ASTN2: variants seen among roughly 807,000 people sequenced by gnomAD.
ASTN2 encodes astrotactin-2.
ASTN2 carries 54 observed loss-of-function variants against 139.8 expected under a neutral mutation model. The ratio of observed to expected loss-of-function variants is 0.39; its 90% CI spans 0.31 to 0.48. The LOEUF (loss-of-function observed/expected upper bound fraction) is 0.48. Ranked by LOEUF, ASTN2 falls within the 20% of genes least tolerant of loss-of-function variation. The pLI is 0.95. For synonymous variants in ASTN2, 756 were observed against 719.5 expected (o/e 1.05, Z -0.81); for missense variants, 1,565 against 1,725.1 (o/e 0.91, Z 1.64).
intron 3 of ASTN2, among the ~76,000 whole-genome samples, chr9:117,211,592 G>A (rs1832131041): frequency 6.6e-6 from 1 of 152,166 alleles, no homozygotes; most frequent in Non-Finnish European, 1.5e-5. Context: ...CTGTATAGCT[G>A]TGAAATTGTG....
At chr9:116,806,953 C>T (rs1260288008) in intron 12 of ASTN2, among the ~76,000 whole-genome samples, 1 of 152,162 alleles carries the variant, frequency 6.6e-6, no homozygotes, top group Non-Finnish European at 1.5e-5. Flanking sequence ...CTGCTTTACA[C>T]ATAAGCAAAA....
chr9:117,345,281 G>C (rs1422742576), intron 1 of ASTN2, among the ~76,000 whole-genome samples: 3 of 152,080 alleles, frequency 2.0e-5, no homozygotes, highest in African/African-American at 7.2e-5. Context: ...CCACAGTCTA[G>C]GTCCTAGGCC....
At chr9:116,637,499 A>C (rs1857131257) in intron 17 of ASTN2, among the ~76,000 whole-genome samples, 4 of 152,214 alleles carry the variant, frequency 2.6e-5, no homozygotes, top group African/African-American at 9.6e-5. Flanking sequence ...TTTTGAGACA[A>C]AAGTAGTATT....
At chr9:116,790,912 A>G (rs1014625849) in intron 13 of ASTN2, among the ~76,000 whole-genome samples, 4 of 142,238 alleles carry the variant, frequency 2.8e-5, no homozygotes, top group Non-Finnish European at 6.2e-5. Context: ...AGAAAGAAAG[A>G]GAAAGAAAGG....
chr9:116,993,571 C>G (rs189564901), intron 7 of ASTN2, among the ~76,000 whole-genome samples: 207 of 149,710 alleles, frequency 1.4e-3, no homozygotes, highest in African/African-American at 4.9e-3. Flanking sequence ...AATTTCATTA[C>G]TATAGATACT....
At chr9:116,482,659 C>T (rs1258643019) in intron 20 of ASTN2, among the ~76,000 whole-genome samples, 1 of 152,166 alleles carries the variant, frequency 6.6e-6, no homozygotes, top group South Asian at 2.1e-4. Flanking sequence ...GGACTCCCAA[C>T]CTCGGGCTTT....
At chr9:116,453,309 T>C (rs564086124) in intron 20 of ASTN2, among the ~76,000 whole-genome samples, 2 of 152,262 alleles carry the variant, frequency 1.3e-5, no homozygotes, top group African/African-American at 4.8e-5. Flanking sequence ...TAAGAATGAA[T>C]AGCGCTGGGC....
intron 19 of ASTN2, among the ~76,000 whole-genome samples, chr9:116,617,539 C>A (rs1003317064): frequency 2.0e-5 from 3 of 152,116 alleles, no homozygotes; most frequent in African/African-American, 7.2e-5. Context: ...ATACCACAAG[C>A]TGAATAACCT....
At chr9:117,337,489 A>C (rs911356151) in intron 1 of ASTN2, among the ~76,000 whole-genome samples, 2 of 152,194 alleles carry the variant, frequency 1.3e-5, no homozygotes, top group African/African-American at 4.8e-5. Context: ...GGGTGGTTGC[A>C]AGCATTGTTC....
At chr9:117,238,157 A>G (rs1292867767) in intron 2 of ASTN2, among the ~76,000 whole-genome samples, 6 of 152,182 alleles carry the variant, frequency 3.9e-5, no homozygotes, top group African/African-American at 1.4e-4. Context: ...GAAGGAAGGA[A>G]GGGCAAAGAC....
At chr9:116,975,120 C>T in intron 10 of ASTN2, 88 bp downstream of exon 10, 1 of 1,372,524 alleles carries the variant, frequency 7.3e-7, no homozygotes, top group Non-Finnish European at 9.7e-7. Flanking sequence ...AGCAAGAACA[C>T]TCCTTAGGGG....
intron 11 of ASTN2, among the ~76,000 whole-genome samples, chr9:116,858,321 A>C (rs1394925076): frequency 2.0e-5 from 3 of 152,230 alleles, no homozygotes; most frequent in African/African-American, 4.8e-5. Flanking sequence ...CTGATACTTC[A>C]AAAAGGGTTA....
At chr9:117,070,912 T>A (rs1184215868) in intron 5 of ASTN2, among the ~76,000 whole-genome samples, 1 of 147,624 alleles carries the variant, frequency 6.8e-6, no homozygotes, top group Non-Finnish European at 1.5e-5. Flanking sequence ...TACATTCTTC[T>A]AAATTTTTTT....
chr9:117,139,370 G>A (rs1201633863), intron 4 of ASTN2, among the ~76,000 whole-genome samples: 1 of 152,164 alleles, frequency 6.6e-6, no homozygotes, highest in Non-Finnish European at 1.5e-5. Context: ...GAGAACCAAT[G>A]ATACTTCCAA....
At chr9:117,166,215 A>T (rs375986437) in intron 3 of ASTN2, among the ~76,000 whole-genome samples, 2 of 152,032 alleles carry the variant, frequency 1.3e-5, no homozygotes, top group African/African-American at 4.8e-5. Context: ...GTAACAGTGG[A>T]AGGGAAAAAG....
At chr9:116,675,029 T>C (rs1024832905) in intron 16 of ASTN2, among the ~76,000 whole-genome samples, 1 of 152,128 alleles carries the variant, frequency 6.6e-6, no homozygotes, top group African/African-American at 2.4e-5. Context: ...GTGAACCCCC[T>C]GGGCAGTTAC....
At chr9:117,289,596 GGTC>G (rs1834536423) in intron 2 of ASTN2, among the ~76,000 whole-genome samples, 1 of 152,142 alleles carries the variant, frequency 6.6e-6, no homozygotes, top group Non-Finnish European at 1.5e-5. Context: ...AATGAACATT[GGTC>G]AAAATTGAGT....
At chr9:116,995,858 A>T (rs1397727216) in intron 7 of ASTN2, among the ~76,000 whole-genome samples, 2 of 152,126 alleles carry the variant, frequency 1.3e-5, no homozygotes, top group Admixed American at 1.3e-4. Context: ...ATTTATTTTT[A>T]GATATAGAGT....
At chr9:116,967,725 C>G (rs1047261499) in intron 10 of ASTN2, among the ~76,000 whole-genome samples, 8 of 152,170 alleles carry the variant, frequency 5.3e-5, no homozygotes, top group African/African-American at 1.9e-4. Flanking sequence ...GTATCAAGGG[C>G]CTTCCCCCCA....
Sources: allele counts gnomAD v4.1 joint callset (sites outside exome capture counted in the v4.1 genomes callset), GRCh38; gene constraint gnomAD v4.1.1; transcripts MANE v1.5; gene names NCBI Gene and HGNC (gene_info 2026-07-23, HGNC 2026-07-21).